The following NYNRIN variants were observed in gnomAD, a reference collection of about 807,000 sequenced individuals.
NYNRIN encodes NYN domain and retroviral integrase containing.
Under a neutral mutation model 146.6 loss-of-function variants are expected in NYNRIN, and 86 were observed. That is an observed-to-expected ratio of 0.59 (90% CI 0.49 to 0.70). NYNRIN has a LOEUF of 0.70. NYNRIN is among the 30% of genes least tolerant of loss of function. The pLI, the probability that NYNRIN is intolerant of heterozygous loss-of-function variation, is 0.00. For synonymous variants in NYNRIN, 1,027 were observed against 1,001.3 expected (o/e 1.03, Z -0.48); for missense variants, 2,191 against 2,377.7 (o/e 0.92, Z 1.63).
In NYNRIN at chr14:24,416,486, G is replaced by A; in HGVS notation, c.4737G>A (p.Val1579=). 3 of 1,613,524 alleles carry A rather than the reference G, an allele frequency of 1.9e-6. No homozygotes were observed. Among genetic ancestry groups the A allele is most frequent in the Non-Finnish European group, 2.5e-6 (3 of 1,179,692 alleles). ...GGTGGCCTGGGATGCAGGAGCATGT[G>A]AAAGATTACTGCAGGAGCTGCTTGT... ...LGWWPGMQEH[V]KDYCRSCLFC... is the part of the protein sequence containing the mutation. The change falls in exon 9 of 9, where the codon GTG becomes GTA. Residue 1579 remains valine (V), a synonymous_variant. Coordinates refer to ENST00000382554, the MANE Select transcript of NYNRIN (RefSeq NM_025081.3).
intron 4 of NYNRIN, 80 bp from the exon 5 acceptor site, chr14:24,410,996 A>ATTGC: frequency 6.4e-7 from 1 of 1,568,142 alleles, no homozygotes; most frequent in Non-Finnish European, 8.7e-7. Context: ...TGGTGCTGGC[A>ATTGC]TTGCTTGCTT....
rs112294628 is a variant in NYNRIN at position 24,411,065 on chromosome 14, C to T, written c.2415-11C>T. 2.7e-4 allele frequency: 432 copies of T among 1,613,538 alleles called. 2 individuals are homozygous for T. The Middle Eastern group carries it at 6.6e-3, about 25-fold the overall frequency. On this transcript the variant is annotated splice_polypyrimidine_tract_variant and intron_variant, in intron 4 of 8. Transcript: ENST00000382554. This position sits in a 1 kb window ranked among gnomAD's most constrained non-coding sequence, Gnocchi z 4.3. ...TGAGGCAGGGTCTTTCCTTGTCCCA[C>T]GACCCCACAGGCATGGCCTGCAGCA...
In NYNRIN at chr14:24,416,854, C is replaced by T. The variant is rs1411754978; in HGVS notation, c.5105C>T (p.Ala1702Val). The change falls in exon 9 of 9, where the codon GCC becomes GTC. Residue 1702 changes from alanine (A) to valine (V), a missense_variant. Physicochemically the swap from Ala to Val is moderately conservative, Grantham distance 64. Coordinates refer to ENST00000382554, the MANE Select transcript of NYNRIN (RefSeq NM_025081.3). ...SCGLALGAQV[A>V]SLSRDLQFPC... ...GGGCTGGCCCTGGGAGCCCAGGTGG[C>T]CTCCCTGAGTCGGGACCTCCAGTTC... The T allele has an allele frequency of 1.2e-6, 2 of 1,608,380 alleles. No individual in the cohort carries two copies. The highest frequency in any genetic ancestry group is 2.2e-5 in the East Asian group (1 of 44,754).
intron 2 of NYNRIN, among the ~76,000 whole-genome samples, chr14:24,400,094 C>T (rs543634763): frequency 6.6e-6 from 1 of 152,284 alleles, no homozygotes; most frequent in Admixed American, 6.5e-5. Flanking sequence ...GCCCCACACT[C>T]TTGATGCCAC....
At chr14:24,404,314 T>C (rs1339844560) in intron 2 of NYNRIN, among the ~76,000 whole-genome samples, 3 of 152,256 alleles carry the variant, frequency 2.0e-5, no homozygotes, top group Admixed American at 2.0e-4. Context: ...CATCAAATTT[T>C]TAATGTCTAG....
chr14:24,415,074 C>T lies in NYNRIN; in HGVS notation c.3325C>T (p.Pro1109Ser). 1.9e-6 allele frequency: 3 copies of T among 1,612,422 alleles called. No individual in the cohort carries two copies. Among genetic ancestry groups the T allele is most frequent in the Non-Finnish European group, 2.5e-6 (3 of 1,179,680 alleles). ...GFMDSHRDAIPDYEALVGPLH... is the reference protein window; with the variant it reads ...GFMDSHRDAISDYEALVGPLH... ...CATGGACTCCCACAGGGATGCCATC[C>T]CTGACTATGAAGCCCTAGTGGGCCC... The change falls in exon 9 of 9, where the codon CCT (proline) becomes TCT (serine). Residue 1109 changes from proline (P) to serine (S), a missense_variant. By Grantham distance (74) the Pro-to-Ser change is moderately conservative. Transcript: ENST00000382554.
At chr14:24,410,937 C>A in intron 4 of NYNRIN, 139 bp from the exon 5 acceptor site, 1 of 1,046,564 alleles carries the variant, frequency 9.6e-7, no homozygotes, top group East Asian at 2.5e-5. Context: ...TAGGTGCTCA[C>A]AGAATGTCTG....
In NYNRIN at chr14:24,414,638, C is replaced by G; in HGVS notation, c.2889C>G (p.Thr963=). ...DIGNFLKVWK[T]LPPSSASVTE... is the part of the protein sequence containing the mutation. ...GCAACTTCCTGAAGGTGTGGAAGACCCTTCCTCCCAGCTCAGCCAGTGTCA... is the reference window on the plus strand; with the variant it reads ...GCAACTTCCTGAAGGTGTGGAAGACGCTTCCTCCCAGCTCAGCCAGTGTCA... The change falls in exon 9 of 9, where the codon ACC becomes ACG. Residue 963 remains threonine, a synonymous_variant. Coordinates refer to ENST00000382554, the MANE Select transcript of NYNRIN (RefSeq NM_025081.3). 6.2e-7 allele frequency: 1 copy of G among 1,613,676 alleles called. No individual in the cohort carries two copies. Among genetic ancestry groups the G allele is most frequent in the Non-Finnish European group, 8.5e-7 (1 of 1,179,718 alleles).
At chr14:24,404,444 T>C (rs1359479601) in intron 2 of NYNRIN, among the ~76,000 whole-genome samples, 2 of 152,258 alleles carry the variant, frequency 1.3e-5, no homozygotes, top group African/African-American at 4.8e-5. Flanking sequence ...TCTCTGAGGA[T>C]AGAAATGATA....
Position 24,399,235 on chromosome 14 carries a change from G to A in NYNRIN, c.-12G>A. On this transcript the variant is annotated 5_prime_UTR_variant, in exon 2 of 9. Coordinates refer to ENST00000382554, the MANE Select transcript of NYNRIN (RefSeq NM_025081.3). ...TATCGTCTCCTTCGTTCCAGGAGCGGGCGGGGCAGCCATGCTCCTGTCTGG... is the reference window on the plus strand; with the variant it reads ...TATCGTCTCCTTCGTTCCAGGAGCGAGCGGGGCAGCCATGCTCCTGTCTGG... 4.3e-6 allele frequency: 7 copies of A among 1,612,812 alleles called. No homozygotes were observed. The highest frequency in any genetic ancestry group is 5.9e-6 in the Non-Finnish European group (7 of 1,179,416).
chr14:24,415,886 C>G lies in NYNRIN; in HGVS notation c.4137C>G (p.Asn1379Lys). The change falls in exon 9 of 9, where the codon AAC (asparagine) becomes AAG (lysine). Residue 1379 changes from asparagine to lysine, a missense_variant. Physicochemically the swap from Asn to Lys is moderately conservative, Grantham distance 94. Around this residue, in one of 3 missense-constraint regions of NYNRIN, gnomAD observed 1,291 missense variants for 1,417.0 expected, o/e 0.91. Coordinates refer to ENST00000382554, the MANE Select transcript of NYNRIN (RefSeq NM_025081.3). ...PLPVVFLTHCNWIFSLLWELL... is the reference protein window; with the variant it reads ...PLPVVFLTHCKWIFSLLWELL... ...CAGTGGTTTTCCTCACTCACTGCAA[C>G]TGGATCTTCAGCCTCCTGTGGGAGC... The G allele has an allele frequency of 6.2e-7, 1 of 1,614,038 alleles. No homozygotes were observed. The highest frequency in any genetic ancestry group is 8.5e-7 in the Non-Finnish European group (1 of 1,179,900).
chr14:24,414,171 A>G (rs2139352291), intron 8 of NYNRIN, among the ~76,000 whole-genome samples: 1 of 152,322 alleles, frequency 6.6e-6, no homozygotes, highest in African/African-American at 2.4e-5. Flanking sequence ...CCAATTTGGA[A>G]AAAAGTGATG....
rs766007033 is a variant in NYNRIN, at chr14:24,414,993, C to G, written c.3244C>G (p.Leu1082Val). Residue 1082 changes from leucine (L) to valine (V), a missense_variant, in exon 9 of 9, where the codon CTG (leucine) becomes GTG (valine). This residue lies in a region of NYNRIN where 1,291 missense variants were observed against 1,417.0 expected (regional missense o/e 0.91). Coordinates refer to ENST00000382554, the MANE Select transcript of NYNRIN (RefSeq NM_025081.3). Reference protein sequence around the residue: ...KAPCQQVLAHLAQLTIPSNFT... With the variant: ...KAPCQQVLAHVAQLTIPSNFT... ...TCCCTGCCAGCAGGTTCTTGCCCAC[C>G]TGGCCCAGCTCACCATCCCCAGCAA... 6.3e-7 allele frequency: 1 copy of G among 1,598,480 alleles called. No homozygotes were observed. Among genetic ancestry groups the G allele is most frequent in the Non-Finnish European group, 8.6e-7 (1 of 1,168,354 alleles).
At chr14:24,410,299 A>C (rs2042904893) in intron 4 of NYNRIN, 91 bp downstream of exon 4, 2 of 1,061,334 alleles carry the variant, frequency 1.9e-6, no homozygotes, top group African/African-American at 3.2e-5. Context: ...TCCCTTCCCA[A>C]CCTTCCTATG....
chr14:24,417,444 T>G lies in NYNRIN; in HGVS notation c.5695T>G (p.Ter1899GlyextTer109). 1 of 1,478,328 alleles carries G rather than the reference T, an allele frequency of 6.8e-7. No individual in the cohort carries two copies. The highest frequency in any genetic ancestry group is 9.0e-7 in the Non-Finnish European group (1 of 1,113,482). The allele number at this position is 1,478,328 out of a possible 1,614,324, so 91.6% of individuals were successfully genotyped here. A position where few individuals can be genotyped will look rare whatever the true frequency, so the allele number is the denominator to read the frequency against. ...TPLSFKVLEQ[*>G] ...GCTGTCCTTCAAGGTCTTGGAGCAG[T>G]GAGCGGGAGCAGCGGGGGTGCCCCC... Residue 1899 changes from the stop codon to glycine (G), a stop_lost, in exon 9 of 9, where the codon TGA (stop) becomes GGA (glycine). Coordinates refer to ENST00000382554, the MANE Select transcript of NYNRIN (RefSeq NM_025081.3).
Position 24,418,173 on chromosome 14 carries a change from A to G in NYNRIN, c.*727A>G. The stretch of plus-strand genomic sequence containing the variant: ...TGGCCTACCTCATTTGACTCCAGCC[A>G]ATGGAGACAATTCCTGACCCCTGCT... On this transcript the variant is annotated 3_prime_UTR_variant, in exon 9 of 9. Coordinates refer to ENST00000382554, the MANE Select transcript of NYNRIN (RefSeq NM_025081.3). 1 of 437,772 alleles carries G rather than the reference A, an allele frequency of 2.3e-6. No individual in the cohort carries two copies. Among genetic ancestry groups the G allele is most frequent in the African/African-American group, 2.0e-5 (1 of 49,388 alleles). 27.1% of individuals were successfully genotyped at this position (437,772 alleles called of 1,614,324 possible).
intron 1 of NYNRIN, 32 bp from the exon 2 acceptor site, chr14:24,399,197 AC>A (rs748503408): frequency 1.3e-6 from 2 of 1,569,314 alleles, no homozygotes; most frequent in East Asian, 4.6e-5. Context: ...CCGCCCCGAG[AC>A]CCGGGTGACA....
At chr14:24,412,928 T>C in intron 6 of NYNRIN, 69 bp from the exon 7 acceptor site, 1 of 1,036,466 alleles carries the variant, frequency 9.6e-7, no homozygotes, top group East Asian at 2.6e-5. Flanking sequence ...GCAAGTTTAT[T>C]TTCCCAGATG....
chr14:24,416,421 A>G lies in NYNRIN; in HGVS notation c.4672A>G (p.Arg1558Gly). The change falls in exon 9 of 9, where the codon AGG (arginine) becomes GGG (glycine). Residue 1558 changes from arginine to glycine, a missense_variant. By Grantham distance (125) the Arg-to-Gly change is moderately radical. Around this residue, in one of 3 missense-constraint regions of NYNRIN, gnomAD observed 1,291 missense variants for 1,417.0 expected, o/e 0.91. Transcript: ENST00000382554. Reference sequence around the variant, plus strand: ...TGACATTCCCTTGGGGGCCCACCAGAGGCCCGAAGAGACCTACAAGAAGTT... The same window carrying G: ...TGACATTCCCTTGGGGGCCCACCAGGGGCCCGAAGAGACCTACAAGAAGTT... The part of the protein sequence containing the change: ...VHDIPLGAHQ[R>G]PEETYKKLRL... The G allele has an allele frequency of 1.2e-6, 2 of 1,613,038 alleles. No homozygotes were observed. Among genetic ancestry groups the G allele is most frequent in the African/African-American group, 2.7e-5 (2 of 75,022 alleles).
Sources: allele counts gnomAD v4.1 joint callset (sites outside exome capture counted in the v4.1 genomes callset), GRCh38; gene constraint gnomAD v4.1.1; regional missense constraint gnomAD v4.1.1; non-coding constraint Gnocchi (gnomAD v3.1); transcripts MANE v1.5; gene names NCBI Gene and HGNC (gene_info 2026-07-23, HGNC 2026-07-21).